The following RAPGEF1 variants were observed in gnomAD, a reference collection of about 807,000 sequenced individuals.
RAPGEF1 encodes the protein CRK SH3-binding GNRP.
A neutral mutation model predicts 143.3 loss-of-function variants in RAPGEF1; 33 were observed. The observed-to-expected ratio is 0.23, with a 90% CI of 0.17 to 0.31. The LOEUF is 0.31. RAPGEF1 is among the 10% of genes least tolerant of loss of function. The pLI, the probability that RAPGEF1 is intolerant of heterozygous loss-of-function variation, is 1.00. For synonymous variants in RAPGEF1, 629 were observed against 676.5 expected, an observed-to-expected ratio of 0.93 and a Z score of 1.09; for missense variants, 1,199 against 1,645.4, an observed-to-expected ratio of 0.73 and a Z score of 4.69.
At chr9:131,739,122 G>C (rs1021645311) in intron 1 of RAPGEF1, among the ~76,000 whole-genome samples, 3 of 152,166 alleles carry the variant, frequency 2.0e-5, no homozygotes, top group African/African-American at 4.8e-5. Context: ...CAGGGACTCG[G>C]AAGGTAACTC....
intron 15 of RAPGEF1, among the ~76,000 whole-genome samples, chr9:131,600,920 C>G (rs1480378206): frequency 6.6e-6 from 1 of 152,110 alleles, no homozygotes. Flanking sequence ...CTTTGGGAGG[C>G]TGGGGCAGGT....
At position 131,691,740 on chromosome 9, in the gene RAPGEF1, G is replaced by C. The variant is rs576793413; in HGVS notation, c.62-40791C>G. Among the ~76,000 whole-genome samples the C allele has an allele frequency of 2.6e-5, 4 of 152,262 alleles. No homozygotes were observed. In the East Asian group the frequency reaches 7.7e-4, roughly 29 times the overall value. ...CTCTAATAAAGAAACTGATGGGCTTGTGAAACTACTGACCAAGATCAAGCA... is the reference window on the plus strand; with the variant it reads ...CTCTAATAAAGAAACTGATGGGCTTCTGAAACTACTGACCAAGATCAAGCA... On this transcript the variant is annotated intron_variant, in intron 1 of 26. Transcript: ENST00000683357.
At position 131,586,841 on chromosome 9, in the gene RAPGEF1, A is replaced by AACACAC. The variant is rs71374111; in HGVS notation, c.3233+889_3233+894dup. Among the ~76,000 whole-genome samples, 46 of 25,552 alleles carry AACACAC rather than the reference A, an allele frequency of 1.8e-3. 3 individuals are homozygous for AACACAC. The highest frequency in any genetic ancestry group is 3.3e-3 in the Non-Finnish European group (43 of 13,148). 16.8% of individuals were successfully genotyped at this position (25,552 alleles called of 152,430 possible). ...ACCTGCAGAGCGAGACTCCGTCTCA[A>AACACAC]ACACACACACACACACACACACACC... On this transcript the variant is annotated intron_variant, in intron 22 of 26. Transcript: ENST00000683357.
At chr9:131,725,994 C>A (rs12005315) in intron 1 of RAPGEF1, among the ~76,000 whole-genome samples, 3 of 151,460 alleles carry the variant, frequency 2.0e-5, no homozygotes, top group African/African-American at 7.3e-5. Context: ...CTCCTGACCT[C>A]GTGATTCACC....
intron 1 of RAPGEF1, among the ~76,000 whole-genome samples, chr9:131,670,585 C>A (rs1342439793): frequency 1.3e-5 from 2 of 152,194 alleles, no homozygotes; most frequent in Admixed American, 1.3e-4. Flanking sequence ...ACCAAGATGG[C>A]TGGTTCATAG....
Position 131,628,562 on chromosome 9 carries a change from C to G in RAPGEF1, c.1004G>C (p.Gly335Ala), listed in dbSNP as rs1369071723. Reference protein sequence around the residue: ...RATSGSSLPVGINRQDFDVDC... With the variant: ...RATSGSSLPVAINRQDFDVDC... The stretch of plus-strand genomic sequence containing the variant: ...GGGCTGCATTACCTGCCTATTGATT[C>G]CAACAGGCAAACTGGAGCCACTGGT... The change falls in exon 8 of 27, where the codon GGA (glycine) becomes GCA (alanine). Residue 335 changes from glycine to alanine, a missense_variant. Gly to Ala is a moderately conservative substitution (Grantham distance 60, BLOSUM62 0). Around this residue, in one of 6 missense-constraint regions of RAPGEF1, gnomAD observed 613 missense variants for 710.9 expected, o/e 0.86. Coordinates refer to ENST00000683357, the MANE Select transcript of RAPGEF1 (RefSeq NM_001377935.1). This position sits in a 1 kb window ranked among gnomAD's most constrained non-coding sequence, Gnocchi z 5.7. 1 of 1,612,672 alleles carries G rather than the reference C, an allele frequency of 6.2e-7. No individual in the cohort carries two copies. Among genetic ancestry groups the G allele is most frequent in the Non-Finnish European group, 8.5e-7 (1 of 1,178,836 alleles).
chr9:131,663,782 T>G (rs1829982824), intron 1 of RAPGEF1, among the ~76,000 whole-genome samples: 1 of 152,200 alleles, frequency 6.6e-6, no homozygotes, highest in Admixed American at 6.5e-5. Flanking sequence ...GCCAAATTTC[T>G]CCACTGCAAT....
chr9:131,663,219 T>C (rs542739051), intron 1 of RAPGEF1, among the ~76,000 whole-genome samples: 1 of 152,336 alleles, frequency 6.6e-6, no homozygotes, highest in African/African-American at 2.4e-5. Flanking sequence ...ATGCTCGCTT[T>C]CCATCCCTTT....
chr9:131,627,105 T>A (rs911352788), intron 9 of RAPGEF1, among the ~76,000 whole-genome samples: 2 of 150,962 alleles, frequency 1.3e-5, no homozygotes, highest in Non-Finnish European at 2.9e-5. Flanking sequence ...TCCCAGCTGC[T>A]TGGGAGGCTG....
Position 131,668,680 on chromosome 9 carries a change from G to T in RAPGEF1, c.62-17731C>A, listed in dbSNP as rs191810979. On this transcript the variant is annotated intron_variant, in intron 1 of 26. Transcript: ENST00000683357. ...AGGGAAGCGTTTCTTTTCCATTACT[G>T]TTAGGCATTGATCTAGAGATGAAAA... Among the ~76,000 whole-genome samples, 332 of 152,262 alleles carry T rather than the reference G, an allele frequency of 2.2e-3. 2 individuals are homozygous for T. The highest frequency in any genetic ancestry group is 0.02 in the Admixed American group (306 of 15,302).
chr9:131,646,333 T>G (rs939547005), intron 3 of RAPGEF1, among the ~76,000 whole-genome samples: 3 of 152,100 alleles, frequency 2.0e-5, no homozygotes, highest in African/African-American at 7.2e-5. Context: ...GAGAGGAGAA[T>G]AAAGACCAGA....
rs1029842411 is a variant in RAPGEF1, at chr9:131,675,403, C to G, written c.62-24454G>C. ...GCTTCCTGCGGGTGCCGGGACGTGCCGTCCACAGGGTTCACCATGTGTTTT... is the reference window on the plus strand; with the variant it reads ...GCTTCCTGCGGGTGCCGGGACGTGCGGTCCACAGGGTTCACCATGTGTTTT... On this transcript the variant is annotated intron_variant, in intron 1 of 26. Coordinates refer to ENST00000683357, the MANE Select transcript of RAPGEF1 (RefSeq NM_001377935.1). The surrounding 1 kb of genome is among the most constrained non-coding windows in gnomAD (Gnocchi z 4.6). Among the ~76,000 whole-genome samples the G allele has an allele frequency of 2.0e-5, 3 of 152,102 alleles. No individual in the cohort carries two copies. Among genetic ancestry groups the G allele is most frequent in the Non-Finnish European group, 2.9e-5 (2 of 68,014 alleles).
chr9:131,709,633 G>C (rs1400637771), intron 1 of RAPGEF1: 1 of 1,613,944 alleles, frequency 6.2e-7, no homozygotes. Context: ...GTTTCCAGGG[G>C]TACAGATGAC....
At chr9:131,593,683 G>A (rs1954753138) in intron 17 of RAPGEF1, among the ~76,000 whole-genome samples, 1 of 152,166 alleles carries the variant, frequency 6.6e-6, no homozygotes, top group African/African-American at 2.4e-5. Context: ...TTGCACTGGG[G>A]GCTGCGTGGG....
chr9:131,736,266 G>A lies in RAPGEF1; in HGVS notation c.61+3504C>T, dbSNP rs561702665. Among the ~76,000 whole-genome samples the A allele has an allele frequency of 3.3e-5, 5 of 152,136 alleles. 1 individual carries two copies. In the South Asian group the frequency reaches 8.3e-4, roughly 25 times the overall value. ...GCTCTCTTCTACTCCCTACCTCCTC[G>A]TCATCTCTAGAAGCACTGTAGAGTT... On this transcript the variant is annotated intron_variant, in intron 1 of 26. Transcript: ENST00000683357.
chr9:131,621,908 T>C lies in RAPGEF1; in HGVS notation c.1793A>G (p.Gln598Arg), dbSNP rs571623744. The C allele has an allele frequency of 6.2e-7, 1 of 1,613,802 alleles. No individual in the cohort carries two copies. Among genetic ancestry groups the C allele is most frequent in the East Asian group, 2.2e-5 (1 of 44,878 alleles). ...QTPQNEHIYQ[Q>R]KNKLLMEVYG... ...TACCTCCATGAGGAGCTTGTTCTTC[T>C]GCTGGTAGATGTGCTCGTTCTGTGG... Residue 598 changes from glutamine (Q) to arginine (R), a missense_variant, in exon 11 of 27, where the codon CAG (glutamine) becomes CGG (arginine). Gln to Arg is a conservative substitution (Grantham distance 43). Around this residue, in one of 6 missense-constraint regions of RAPGEF1, gnomAD observed 293 missense variants for 356.2 expected, o/e 0.82. Coordinates refer to ENST00000683357, the MANE Select transcript of RAPGEF1 (RefSeq NM_001377935.1). The surrounding 1 kb of genome is among the most constrained non-coding windows in gnomAD (Gnocchi z 4.5).
intron 1 of RAPGEF1, among the ~76,000 whole-genome samples, chr9:131,730,697 C>CAAAGAAAA (rs1837000923): frequency 1.2e-5 from 1 of 80,374 alleles, no homozygotes; most frequent in Non-Finnish European, 2.3e-5. Flanking sequence ...GACTCCATCT[C>CAAAGAAAA]AAAAAAAAAA....
rs1252022276 is a variant in RAPGEF1, at chr9:131,629,263, T to C, written c.741-9A>G. 1 of 1,612,104 alleles carries C rather than the reference T, an allele frequency of 6.2e-7. No individual in the cohort carries two copies. The highest frequency in any genetic ancestry group is 8.5e-7 in the Non-Finnish European group (1 of 1,178,890). ...GGGGGAGCTCTGCTGGGCTGGAGAA[T>C]TGGGAAGAACTTGGGGTTACAGAAG... On this transcript the variant is annotated splice_polypyrimidine_tract_variant and intron_variant, in intron 6 of 26. Coordinates refer to ENST00000683357, the MANE Select transcript of RAPGEF1 (RefSeq NM_001377935.1).
At position 131,641,698 on chromosome 9, in the gene RAPGEF1, C is replaced by T. The variant is rs1447569746; in HGVS notation, c.494+1541G>A. ...CGCTGTGGCATGACGTCAGCACATG[C>T]GCTCCTAGGAGCCCAGCACCGAACA... is the stretch of plus-strand genomic sequence containing the variant. On this transcript the variant is annotated intron_variant, in intron 4 of 26. Coordinates refer to ENST00000683357, the MANE Select transcript of RAPGEF1 (RefSeq NM_001377935.1). The surrounding 1 kb of genome is among the most constrained non-coding windows in gnomAD (Gnocchi z 4.6). Among the ~76,000 whole-genome samples the T allele has an allele frequency of 6.6e-6, 1 of 152,196 alleles. No homozygotes were observed. The highest frequency in any genetic ancestry group is 1.5e-5 in the Non-Finnish European group (1 of 68,024).
Sources: allele counts gnomAD v4.1 joint callset (sites outside exome capture counted in the v4.1 genomes callset), GRCh38; gene constraint gnomAD v4.1.1; regional missense constraint gnomAD v4.1.1; non-coding constraint Gnocchi (gnomAD v3.1); transcripts MANE v1.5; gene names NCBI Gene and HGNC (gene_info 2026-07-23, HGNC 2026-07-21).